Variants in EXOC6 observed in about 807,000 individuals in gnomAD.
EXOC6 encodes exocyst complex component 6, also known as SEC15-like 1.
Under a neutral mutation model 112.5 loss-of-function variants are expected in EXOC6, and 60 were observed. The observed-to-expected ratio is 0.53, with a 90% CI of 0.43 to 0.66. EXOC6 has a LOEUF of 0.66. Ranked by LOEUF, EXOC6 falls within the 30% of genes least tolerant of loss-of-function variation. EXOC6 has a pLI of 0.00. For synonymous variants in EXOC6, 295 were observed against 308.0 expected, an observed-to-expected ratio of 0.96 and a Z score of 0.44; for missense variants, 855 against 957.1, an observed-to-expected ratio of 0.89 and a Z score of 1.41.
intron 1 of EXOC6, among the ~76,000 whole-genome samples, chr10:92,880,760 A>C (rs74884183): frequency 0.011 from 1,630 of 152,244 alleles, 33 homozygotes; most frequent in African/African-American, 0.037. Flanking sequence ...AAGGAAGTTT[A>C]AAATTAGTAT....
At chr10:93,035,430 C>T (rs1408989782) in intron 20 of EXOC6, among the ~76,000 whole-genome samples, 1 of 152,192 alleles carries the variant, frequency 6.6e-6, no homozygotes, top group Non-Finnish European at 1.5e-5. Context: ...TGTTTATGCT[C>T]ACTGTTTTTA....
intron 4 of EXOC6, among the ~76,000 whole-genome samples, chr10:92,895,760 C>T (rs1430819117): frequency 8.0e-5 from 12 of 150,414 alleles, no homozygotes; most frequent in Non-Finnish European, 7.4e-5. Flanking sequence ...AGTGCAGTGG[C>T]ATGATCATAG....
chr10:92,972,199 G>A (rs1167787328), intron 17 of EXOC6, among the ~76,000 whole-genome samples: 1 of 152,204 alleles, frequency 6.6e-6, no homozygotes, highest in Non-Finnish European at 1.5e-5. Context: ...TTTACTTCCT[G>A]CTTGCACATG....
At chr10:92,858,022 T>TTCCCCCCCC (rs1554882161) in intron 1 of EXOC6, among the ~76,000 whole-genome samples, 5 of 101,262 alleles carry the variant, frequency 4.9e-5, no homozygotes, top group African/African-American at 1.1e-4. Flanking sequence ...GTTGACGGGT[T>TTCCCCCCCC]CCCCCCCTCC....
At chr10:92,939,189 T>C (rs749012963) in intron 12 of EXOC6, among the ~76,000 whole-genome samples, 1 of 152,094 alleles carries the variant, frequency 6.6e-6, no homozygotes, top group African/African-American at 2.4e-5. Context: ...CAATCAGATT[T>C]ATATTTTTGA....
chr10:92,912,726 A>G (rs922032025), intron 6 of EXOC6, among the ~76,000 whole-genome samples: 1 of 152,214 alleles, frequency 6.6e-6, no homozygotes, highest in African/African-American at 2.4e-5. Flanking sequence ...GTTACAAACA[A>G]TCTATAGAAA....
intron 17 of EXOC6, among the ~76,000 whole-genome samples, chr10:92,969,308 C>A (rs1000326395): frequency 6.6e-6 from 1 of 152,172 alleles, no homozygotes; most frequent in African/African-American, 2.4e-5. Flanking sequence ...CGGTGCCAGA[C>A]ATATGAGTGA....
chr10:92,948,969 C>T (rs1445596735), intron 14 of EXOC6, among the ~76,000 whole-genome samples: 3 of 152,076 alleles, frequency 2.0e-5, no homozygotes, highest in Admixed American at 6.5e-5. Flanking sequence ...GTAGACCAGC[C>T]ATGTAGGAGA....
intron 18 of EXOC6, among the ~76,000 whole-genome samples, chr10:92,992,611 G>A (rs1053094282): frequency 6.6e-6 from 1 of 151,808 alleles, no homozygotes; most frequent in South Asian, 2.1e-4. Flanking sequence ...CTAGATTAGT[G>A]GTTCTTATAT....
At chr10:92,954,934 C>G (rs1853607762) in intron 16 of EXOC6, among the ~76,000 whole-genome samples, 193 bp downstream of exon 16, 1 of 152,102 alleles carries the variant, frequency 6.6e-6, no homozygotes, top group Non-Finnish European at 1.5e-5. Flanking sequence ...GCTCATACCT[C>G]TAATCCGAGA....
intron 1 of EXOC6, among the ~76,000 whole-genome samples, chr10:92,852,838 C>T (rs1321069508): frequency 6.6e-6 from 1 of 152,062 alleles, no homozygotes; most frequent in Non-Finnish European, 1.5e-5. Context: ...TGCTTTTCCT[C>T]TAAAATCAGG....
chr10:92,955,405 T>A (rs982775770), intron 16 of EXOC6, among the ~76,000 whole-genome samples, 175 bp from the exon 17 acceptor site: 14 of 151,738 alleles, frequency 9.2e-5, no homozygotes, highest in African/African-American at 2.9e-4. Context: ...TATATATATA[T>A]AAATTCATAC....
intron 20 of EXOC6, among the ~76,000 whole-genome samples, chr10:93,041,886 A>G (rs1845797927): frequency 6.6e-6 from 1 of 151,966 alleles, no homozygotes; most frequent in African/African-American, 2.4e-5. Context: ...TAATTTTGGT[A>G]TTTTTGTAGA....
chr10:93,035,737 C>A (rs918669014), intron 20 of EXOC6, among the ~76,000 whole-genome samples: 10 of 152,210 alleles, frequency 6.6e-5, no homozygotes, highest in African/African-American at 2.4e-4. Flanking sequence ...TGCTTGTAAT[C>A]CCCACTAGTT....
At chr10:92,945,290 A>G (rs890820266) in intron 13 of EXOC6, among the ~76,000 whole-genome samples, 1 of 152,150 alleles carries the variant, frequency 6.6e-6, no homozygotes, top group African/African-American at 2.4e-5. Context: ...TGTATCAGAT[A>G]TATATCAGCA....
Position 92,852,090 on chromosome 10 carries a change from G to A in EXOC6, c.101+3456G>A, listed in dbSNP as rs530969867. Reference sequence around the variant, plus strand: ...ATCTCAAAAAATGTATATATATTATGAACAACTTCATGCTCATACATTTGG... The same window carrying A: ...ATCTCAAAAAATGTATATATATTATAAACAACTTCATGCTCATACATTTGG... On this transcript the variant is annotated intron_variant, in intron 1 of 21. Transcript: ENST00000260762. 1.3e-3 allele frequency among the ~76,000 whole-genome samples: 194 copies of A among 152,136 alleles called. 1 individual carries two copies. Among genetic ancestry groups the A allele is most frequent in the Non-Finnish European group, 2.3e-3 (157 of 68,036 alleles).
At chr10:92,930,373 CG>C (rs1851958984) in intron 9 of EXOC6, among the ~76,000 whole-genome samples, 1 of 151,962 alleles carries the variant, frequency 6.6e-6, no homozygotes, top group South Asian at 2.1e-4. Flanking sequence ...CATAGTGGCG[CG>C]TGCCTGTAAT....
chr10:92,919,877 T>C, intron 7 of EXOC6, 105 bp from the exon 8 acceptor site: 1 of 629,364 alleles, frequency 1.6e-6, no homozygotes, highest in Non-Finnish European at 2.6e-6. Flanking sequence ...ATAAATGTTG[T>C]AACACAAAGT....
chr10:92,898,554 T>C (rs1357407817), intron 4 of EXOC6, among the ~76,000 whole-genome samples: 1 of 152,170 alleles, frequency 6.6e-6, no homozygotes, highest in African/African-American at 2.4e-5. Context: ...GAAATTTACA[T>C]GAATTGTTAA....
Sources: gnomAD v4.1 joint callset for allele counts (sites outside exome capture counted in the v4.1 genomes callset) on GRCh38, gnomAD v4.1.1 for gene constraint, MANE v1.5 for transcripts, NCBI Gene and HGNC (gene_info 2026-07-23, HGNC 2026-07-21) for gene names.